Variants in PDE1C observed in about 807,000 individuals in gnomAD.
PDE1C encodes dual specificity calcium/calmodulin-dependent 3',5'-cyclic nucleotide phosphodiesterase 1C.
PDE1C carries 62 observed loss-of-function variants against 93.1 expected under a neutral mutation model. That is an observed-to-expected ratio of 0.67 (90% confidence interval 0.54 to 0.82). The LOEUF is 0.82. Ranked by LOEUF, PDE1C falls within the 40% of genes least tolerant of loss-of-function variation. The pLI is 0.00. For synonymous variants in PDE1C, 325 were observed against 310.1 expected (o/e 1.05, Z -0.50); for missense variants, 742 against 884.6 (o/e 0.84, Z 2.04).
At chr7:31,709,675 AC>A in the PDE1C span, among the ~76,000 whole-genome samples, 1 of 152,148 alleles carries the variant, frequency 6.6e-6, no homozygotes, top group East Asian at 1.9e-4. Context: ...ACAAAACATA[AC>A]CAACCCTGGA....
At chr7:31,900,707 T>C (rs1799869523) in intron 2 of PDE1C, among the ~76,000 whole-genome samples, 1 of 151,800 alleles carries the variant, frequency 6.6e-6, no homozygotes, top group Non-Finnish European at 1.5e-5. Flanking sequence ...CAAAATAAGG[T>C]TGTTGTCTAT....
At chr7:32,389,560 A>AC in intron 1 of PDE1C, among the ~76,000 whole-genome samples, 1 of 152,252 alleles carries the variant, frequency 6.6e-6, no homozygotes, top group East Asian at 1.9e-4. Flanking sequence ...GAAAATGATG[A>AC]CACTTCATGG....
At chr7:32,251,958 C>G (rs886495921) in intron 1 of PDE1C, among the ~76,000 whole-genome samples, 8 of 152,140 alleles carry the variant, frequency 5.3e-5, no homozygotes, top group Admixed American at 1.3e-4. Flanking sequence ...CAGATCTCCC[C>G]CTGTGGTTGT....
intron 16 of PDE1C, among the ~76,000 whole-genome samples, chr7:31,778,329 C>T (rs1470034997): frequency 6.6e-6 from 1 of 152,162 alleles, no homozygotes; most frequent in East Asian, 1.9e-4. Context: ...TGATCCAGAG[C>T]CGTTCCTTCT....
In PDE1C at chr7:31,905,361, G is replaced by A. The variant is rs111296205; in HGVS notation, c.129-24501C>T. Among the ~76,000 whole-genome samples, 1,373 of 151,534 alleles carry A rather than the reference G, an allele frequency of 9.1e-3. 22 individuals are homozygous for A. Among genetic ancestry groups the A allele is most frequent in the African/African-American group, 0.031 (1,294 of 41,306 alleles). On this transcript the variant is annotated intron_variant, in intron 2 of 17. Coordinates refer to ENST00000396191, the MANE Select transcript of PDE1C (RefSeq NM_001191057.4). ...TTGGCTTCCTGAAAAACAAAATACTGGATTAAAAAAAATGTTATGCCATCT... is the reference window on the plus strand; with the variant it reads ...TTGGCTTCCTGAAAAACAAAATACTAGATTAAAAAAAATGTTATGCCATCT...
chr7:31,679,159 G>A, the PDE1C span, among the ~76,000 whole-genome samples: 3 of 152,114 alleles, frequency 2.0e-5, no homozygotes, highest in Admixed American at 2.0e-4. Flanking sequence ...GCTCCTATGT[G>A]GGCAATCCAG....
At chr7:31,780,923 G>A (rs1369168999) in intron 16 of PDE1C, among the ~76,000 whole-genome samples, 1 of 152,116 alleles carries the variant, frequency 6.6e-6, no homozygotes, top group Non-Finnish European at 1.5e-5. Flanking sequence ...CACAGCATGT[G>A]GCCATTTAAG....
At chr7:31,944,120 G>GAA (rs1806244112) in intron 2 of PDE1C, among the ~76,000 whole-genome samples, 1 of 151,998 alleles carries the variant, frequency 6.6e-6, no homozygotes, top group Non-Finnish European at 1.5e-5. Context: ...TTTTCACCTT[G>GAA]TCATTAAAAC....
At chr7:32,008,316 T>C (rs1022807908) in intron 2 of PDE1C, among the ~76,000 whole-genome samples, 10 of 152,182 alleles carry the variant, frequency 6.6e-5, no homozygotes, top group African/African-American at 2.4e-4. Context: ...TCCTCTGAAT[T>C]TGTTGACTTG....
At chr7:31,888,655 T>C (rs1036382757) in intron 2 of PDE1C, among the ~76,000 whole-genome samples, 2 of 152,000 alleles carry the variant, frequency 1.3e-5, no homozygotes, top group Admixed American at 6.6e-5. Flanking sequence ...TTTATCAAAA[T>C]TGACATAAGA....
chr7:31,619,434 C>T, the PDE1C span, among the ~76,000 whole-genome samples: 1 of 152,108 alleles, frequency 6.6e-6, no homozygotes, highest in African/African-American at 2.4e-5. Flanking sequence ...ATGTTCCTAA[C>T]TTATTGTTTC....
chr7:31,765,537 T>A (rs1216271291), intron 17 of PDE1C, among the ~76,000 whole-genome samples: 1 of 152,210 alleles, frequency 6.6e-6, no homozygotes, highest in Non-Finnish European at 1.5e-5. Flanking sequence ...GAAGCTCCTA[T>A]GTCCTTTGTT....
chr7:32,343,678 A>T (rs991385403), intron 1 of PDE1C, among the ~76,000 whole-genome samples: 5 of 152,236 alleles, frequency 3.3e-5, no homozygotes, highest in African/African-American at 1.2e-4. Flanking sequence ...TCATTGTAAC[A>T]TAGTTCCTCA....
intron 2 of PDE1C, among the ~76,000 whole-genome samples, chr7:32,015,615 C>T (rs769464181): frequency 6.6e-6 from 1 of 151,836 alleles, no homozygotes; most frequent in Non-Finnish European, 1.5e-5. Context: ...CACAAAGATG[C>T]CATAAAGAAA....
At chr7:32,295,289 G>A (rs1812556775) in intron 1 of PDE1C, among the ~76,000 whole-genome samples, 2 of 152,200 alleles carry the variant, frequency 1.3e-5, no homozygotes, top group African/African-American at 2.4e-5. Flanking sequence ...CAGAAGTAAA[G>A]TCCACTGTGG....
At chr7:31,629,481 CATT>C in the PDE1C span, among the ~76,000 whole-genome samples, 1 of 152,124 alleles carries the variant, frequency 6.6e-6, no homozygotes, top group Admixed American at 6.5e-5. Flanking sequence ...AAACAGTTAT[CATT>C]AGGTTGTGCC....
intron 1 of PDE1C, among the ~76,000 whole-genome samples, chr7:32,284,213 A>G (rs1011899063): frequency 6.6e-6 from 1 of 152,244 alleles, no homozygotes; most frequent in Admixed American, 6.5e-5. Context: ...GAATTCTCCT[A>G]CAATGAATAT....
At chr7:32,358,894 T>C (rs1449626472) in intron 1 of PDE1C, among the ~76,000 whole-genome samples, 3 of 151,064 alleles carry the variant, frequency 2.0e-5, no homozygotes, top group Admixed American at 6.6e-5. Flanking sequence ...TGTGTGTGTG[T>C]GTCTGTGTGT....
chr7:32,310,037 A>G (rs1273282374), intron 1 of PDE1C, among the ~76,000 whole-genome samples: 1 of 152,202 alleles, frequency 6.6e-6, no homozygotes, highest in Non-Finnish European at 1.5e-5. Flanking sequence ...ATAGGCTCAA[A>G]ATAAAAGGAT....
Sources: allele counts gnomAD v4.1 joint callset (sites outside exome capture counted in the v4.1 genomes callset), GRCh38; gene constraint gnomAD v4.1.1; transcripts MANE v1.5; gene names NCBI Gene and HGNC (gene_info 2026-07-23, HGNC 2026-07-21).